Variants in MRPL22 observed in about 807,000 individuals in gnomAD.
MRPL22 encodes large ribosomal subunit protein uL22m.
MRPL22 carries 27 observed loss-of-function variants against 32.4 expected under a neutral mutation model. The ratio of observed to expected loss-of-function variants is 0.83; its 90% CI spans 0.61 to 1.15. The LOEUF is 1.15. MRPL22 is among the 50% of genes most tolerant of loss of function. MRPL22 has a pLI of 0.00. For synonymous variants in MRPL22, 86 were observed against 87.3 expected (o/e 0.99, Z 0.08); for missense variants, 239 against 260.2 (o/e 0.92, Z 0.56).
At chr5:154,961,196 C>T (rs1764697982) in intron 6 of MRPL22, among the ~76,000 whole-genome samples, 1 of 152,150 alleles carries the variant, frequency 6.6e-6, no homozygotes, top group African/African-American at 2.4e-5. Context: ...TATTTTAAAG[C>T]TGAATCTTGT....
chr5:154,945,169 C>T (rs1764473373), intron 2 of MRPL22, among the ~76,000 whole-genome samples: 1 of 152,064 alleles, frequency 6.6e-6, no homozygotes. Context: ...AGACCGTTGG[C>T]TATTTCAGGT....
Position 154,957,117 on chromosome 5 carries a change from C to G in MRPL22, c.262-18C>G, listed in dbSNP as rs755141260. The stretch of plus-strand genomic sequence containing the variant: ...TAAACTAATTTATTTTCTTTTGTCT[C>G]TCACCCTTTAATTCTAGATACGAGG... On this transcript the variant is annotated intron_variant, in intron 4 of 6. Transcript: ENST00000523037. 6 of 1,595,436 alleles carry G rather than the reference C, an allele frequency of 3.8e-6. No individual in the cohort carries two copies. The African/African-American group carries it at 4.0e-5, about 11-fold the overall frequency.
rs751652563 is a variant in MRPL22, at chr5:154,956,350, CT to C, written c.196-13del. 2.7e-5 allele frequency: 42 copies of C among 1,545,482 alleles called. No individual in the cohort carries two copies. The highest frequency in any genetic ancestry group is 7.9e-5 in the South Asian group (7 of 88,770). Reference sequence around the variant, plus strand: ...AACCTGCTAACATTTTCTTTCTGTCCTTTTTTTTCCAATTTGTAAGGAAATC... The same window carrying C: ...AACCTGCTAACATTTTCTTTCTGTCCTTTTTTTCCAATTTGTAAGGAAATC... On this transcript the variant is annotated intron_variant, in intron 3 of 6. Coordinates refer to ENST00000523037, the MANE Select transcript of MRPL22 (RefSeq NM_014180.4).
intron 6 of MRPL22, among the ~76,000 whole-genome samples, chr5:154,962,754 T>A (rs1341712244): frequency 6.6e-6 from 1 of 152,198 alleles, no homozygotes; most frequent in Non-Finnish European, 1.5e-5. Context: ...ATGTCTCTGC[T>A]TAGTGATTCA....
chr5:154,953,618 TAGTC>T (rs1159445453), intron 3 of MRPL22, among the ~76,000 whole-genome samples: 2 of 151,942 alleles, frequency 1.3e-5, no homozygotes, highest in Non-Finnish European at 2.9e-5. Context: ...ATTTATGGAT[TAGTC>T]AGCATACTGA....
Position 154,956,416 on chromosome 5 carries a change from A to G in MRPL22, c.241A>G (p.Met81Val), listed in dbSNP as rs192214471. The G allele has an allele frequency of 6.2e-7, 1 of 1,610,422 alleles. No homozygotes were observed. Among genetic ancestry groups the G allele is most frequent in the South Asian group, 1.1e-5 (1 of 90,704 alleles). The change falls in exon 4 of 7, where the codon ATG (methionine) becomes GTG (valine). Residue 81 changes from methionine (M) to valine (V), a missense_variant. Physicochemically the swap from Met to Val is conservative, Grantham distance 21. Coordinates refer to ENST00000523037, the MANE Select transcript of MRPL22 (RefSeq NM_014180.4). Reference sequence around the variant, plus strand: ...ACAAATAAAATATAGCAAAGACAAGATGTGGTATTTGGCAAAATTGGTAAG... The same window carrying G: ...ACAAATAAAATATAGCAAAGACAAGGTGTGGTATTTGGCAAAATTGGTAAG... The part of the protein sequence containing the change: ...RRQIKYSKDK[M>V]WYLAKLIRGM...
intron 2 of MRPL22, among the ~76,000 whole-genome samples, chr5:154,942,304 T>TTA (rs1389643342): frequency 6.6e-6 from 1 of 152,204 alleles, no homozygotes; most frequent in East Asian, 1.9e-4. Context: ...TTTAGTATGT[T>TTA]TATGGCATGT....
At chr5:154,959,263 A>C (rs1764671258) in intron 5 of MRPL22, 1 of 152,166 alleles carries the variant, frequency 6.6e-6, no homozygotes, top group Non-Finnish European at 1.5e-5. Flanking sequence ...CTCCTGCCTC[A>C]GCCTCCCAAA....
rs1561743997 is a variant in MRPL22 at position 154,966,801 on chromosome 5, G to C, written c.525G>C (p.Gly175=). ...ATTATTTTGTGAAGTTGGTGGAAGG[G>C]CCCCCACCTCCACCTGAGCCACCAA... is the stretch of plus-strand genomic sequence containing the variant. ...YCHYFVKLVE[G]PPPPPEPPKT... The change falls in exon 7 of 7, where the codon GGG becomes GGC. Residue 175 remains glycine, a synonymous_variant. Transcript: ENST00000523037. 6.8e-6 allele frequency: 11 copies of C among 1,614,000 alleles called. No individual in the cohort carries two copies. The Admixed American group carries it at 1.8e-4, about 27-fold the overall frequency.
At chr5:154,949,024 G>A (rs1764526797) in intron 2 of MRPL22, among the ~76,000 whole-genome samples, 1 of 152,136 alleles carries the variant, frequency 6.6e-6, no homozygotes, top group African/African-American at 2.4e-5. Flanking sequence ...GCTCCTGAGT[G>A]CCTTTGACAT....
intron 3 of MRPL22, 88 bp from the exon 4 acceptor site, chr5:154,956,283 A>G: frequency 1.2e-6 from 1 of 863,918 alleles, no homozygotes; most frequent in South Asian, 1.6e-5. Flanking sequence ...CCTAGAAAGT[A>G]AAAACTTAAA....
At chr5:154,951,022 TAAAAAA>T in intron 3 of MRPL22, 84 bp downstream of exon 3, 1 of 892,890 alleles carries the variant, frequency 1.1e-6, no homozygotes, top group Non-Finnish European at 1.8e-6. Context: ...TATTCTGTGT[TAAAAAA>T]ATTATACAAC....
At chr5:154,950,408 G>T (rs911741842) in intron 2 of MRPL22, among the ~76,000 whole-genome samples, 1 of 152,066 alleles carries the variant, frequency 6.6e-6, no homozygotes, top group Non-Finnish European at 1.5e-5. Context: ...TTAGTTATGT[G>T]GTTTTATATT....
At chr5:154,956,939 T>A (rs1764637903) in intron 4 of MRPL22, 196 bp from the exon 5 acceptor site, 3 of 545,312 alleles carry the variant, frequency 5.5e-6, no homozygotes, top group Non-Finnish European at 9.7e-6. Context: ...TAATCTCAGT[T>A]TTATGGTTAA....
intron 3 of MRPL22, among the ~76,000 whole-genome samples, chr5:154,951,269 A>G (rs1473385132): frequency 2.6e-5 from 4 of 152,204 alleles, no homozygotes; most frequent in Non-Finnish European, 5.9e-5. Context: ...CTATTGGCCA[A>G]TGTTTAAATT....
At chr5:154,941,679 C>T (rs933627340) in intron 2 of MRPL22, among the ~76,000 whole-genome samples, 16 of 152,318 alleles carry the variant, frequency 1.1e-4, no homozygotes, top group African/African-American at 3.8e-4. Context: ...AACTCACTCT[C>T]ATAACATTCT....
Position 154,941,156 on chromosome 5 carries a change from G to A in MRPL22, c.28+18G>A, listed in dbSNP as rs1158692175. 1 of 1,614,174 alleles carries A rather than the reference G, an allele frequency of 6.2e-7. No individual in the cohort carries two copies. Among genetic ancestry groups the A allele is most frequent in the Non-Finnish European group, 8.5e-7 (1 of 1,180,030 alleles). The stretch of plus-strand genomic sequence containing the variant: ...ACAGTTGGGTAAGGATTTCTTAGTG[G>A]TTAAGCGACAGAAGGGAGTCGAGAT... On this transcript the variant is annotated intron_variant, in intron 1 of 6. Transcript: ENST00000523037.
In MRPL22 at chr5:154,950,933, C is replaced by A. The variant is rs1764552441; in HGVS notation, c.190C>A (p.Pro64Thr). 5 of 1,596,748 alleles carry A rather than the reference C, an allele frequency of 3.1e-6. No individual in the cohort carries two copies. The South Asian group carries it at 3.3e-5, about 11-fold the overall frequency. The change falls in exon 3 of 7, where the codon CCA (proline) becomes ACA (threonine). Residue 64 changes from proline (P) to threonine (T), a missense_variant. Coordinates refer to ENST00000523037, the MANE Select transcript of MRPL22 (RefSeq NM_014180.4). ...ACAACTGCCTGGAGAACCTCGGAGACCAGCAGTAAGTTCGTGGGTAGAACT... is the reference window on the plus strand; with the variant it reads ...ACAACTGCCTGGAGAACCTCGGAGAACAGCAGTAAGTTCGTGGGTAGAACT... The part of the protein sequence containing the change: ...PPQLPGEPRR[P>T]AEIYHCRRQI...
chr5:154,956,008 A>T (rs144853437), intron 3 of MRPL22: 1 of 201,128 alleles, frequency 5.0e-6, no homozygotes, highest in Non-Finnish European at 9.8e-6. Flanking sequence ...TCTCCTCATT[A>T]ATAATGAACG....
Sources: gnomAD v4.1 joint callset for allele counts (sites outside exome capture counted in the v4.1 genomes callset) on GRCh38, gnomAD v4.1.1 for gene constraint, MANE v1.5 for transcripts, NCBI Gene and HGNC (gene_info 2026-07-23, HGNC 2026-07-21) for gene names.